KCNIP1: variants seen among roughly 807,000 people sequenced by gnomAD.
KCNIP1 encodes potassium voltage-gated channel interacting protein 1.
Under a neutral mutation model 33.0 loss-of-function variants are expected in KCNIP1, and 18 were observed. The observed-to-expected ratio is 0.55, with a 90% confidence interval of 0.38 to 0.81. The LOEUF is 0.81. Among genes scored for constraint, KCNIP1 ranks in the 30% least tolerant of loss-of-function variants. KCNIP1 has a pLI of 0.00. For synonymous variants in KCNIP1, 93 were observed against 98.3 expected (o/e 0.95, Z 0.32); for missense variants, 238 against 271.6 (o/e 0.88, Z 0.87).
At chr5:170,373,820 A>G (rs912538011) in intron 1 of KCNIP1, among the ~76,000 whole-genome samples, 3 of 152,230 alleles carry the variant, frequency 2.0e-5, no homozygotes, top group Non-Finnish European at 4.4e-5. Flanking sequence ...ATGTCTTAGT[A>G]TTATTATGAA....
At chr5:170,373,346 C>T (rs557848836) in intron 1 of KCNIP1, among the ~76,000 whole-genome samples, 5 of 152,154 alleles carry the variant, frequency 3.3e-5, no homozygotes, top group South Asian at 2.1e-4. Flanking sequence ...CTACAGGGCA[C>T]GGTGTGGGAG....
intron 1 of KCNIP1, among the ~76,000 whole-genome samples, chr5:170,691,527 C>A (rs1463606537): frequency 2.0e-5 from 3 of 152,154 alleles, no homozygotes; most frequent in Non-Finnish European, 4.4e-5. Flanking sequence ...ATATAACCCA[C>A]CTTGCAGGAT....
At chr5:170,402,641 C>T (rs139859185) in intron 1 of KCNIP1, among the ~76,000 whole-genome samples, 9 of 152,296 alleles carry the variant, frequency 5.9e-5, no homozygotes, top group East Asian at 1.9e-4. Flanking sequence ...AAGTGACATA[C>T]GTTACTGATC....
chr5:170,656,419 A>C (rs1761266401), intron 1 of KCNIP1, among the ~76,000 whole-genome samples: 1 of 152,252 alleles, frequency 6.6e-6, no homozygotes, highest in Non-Finnish European at 1.5e-5. Context: ...AACTAGTAGC[A>C]GGAAGCTACT....
intron 1 of KCNIP1, among the ~76,000 whole-genome samples, chr5:170,524,251 G>A (rs546374466): frequency 3.3e-5 from 5 of 152,194 alleles, no homozygotes; most frequent in South Asian, 2.1e-4. Flanking sequence ...AGCTGCCAAC[G>A]CTCCAGCACT....
At chr5:170,458,297 C>A (rs192407393) in intron 1 of KCNIP1, among the ~76,000 whole-genome samples, 1 of 152,152 alleles carries the variant, frequency 6.6e-6, no homozygotes, top group East Asian at 1.9e-4. Context: ...AAGGAAAACT[C>A]CCCCAGCCTT....
chr5:170,479,884 CAATT>C (rs1421519029), intron 1 of KCNIP1, among the ~76,000 whole-genome samples: 19 of 152,204 alleles, frequency 1.2e-4, no homozygotes, highest in African/African-American at 1.7e-4. Context: ...ACTATCTGCA[CAATT>C]AATAAATCAA....
chr5:170,390,892 G>T (rs1034090352), intron 1 of KCNIP1, among the ~76,000 whole-genome samples: 5 of 152,100 alleles, frequency 3.3e-5, no homozygotes, highest in Non-Finnish European at 7.4e-5. Flanking sequence ...TGCTGAGCGA[G>T]CTCACCACCT....
intron 1 of KCNIP1, among the ~76,000 whole-genome samples, chr5:170,516,802 A>G (rs1006015000): frequency 2.0e-5 from 3 of 152,246 alleles, no homozygotes; most frequent in Non-Finnish European, 4.4e-5. Flanking sequence ...CTGTTAAACA[A>G]TAACAATCAT....
chr5:170,615,933 T>A (rs533228874), intron 1 of KCNIP1, among the ~76,000 whole-genome samples: 16 of 152,230 alleles, frequency 1.1e-4, no homozygotes, highest in Non-Finnish European at 1.0e-4. Context: ...GTTTTACTAT[T>A]ATTTTTCCTC....
chr5:170,520,239 G>A (rs1755312214), intron 1 of KCNIP1, among the ~76,000 whole-genome samples: 1 of 152,154 alleles, frequency 6.6e-6, no homozygotes, highest in Admixed American at 6.5e-5. Context: ...CAGTTTTAGA[G>A]ACAAGAAAAC....
chr5:170,657,247 C>T (rs1170695749), intron 1 of KCNIP1, among the ~76,000 whole-genome samples: 4 of 152,110 alleles, frequency 2.6e-5, no homozygotes, highest in African/African-American at 7.2e-5. Context: ...CTGAGCACCT[C>T]GATCTCCCAA....
rs188866368 is a variant in KCNIP1, at chr5:170,518,221, T to C, written c.61+13588T>C. Among the ~76,000 whole-genome samples, 1,354 of 152,194 alleles carry C rather than the reference T, an allele frequency of 8.9e-3. 53 individuals carry two copies. Among genetic ancestry groups the C allele is most frequent in the Admixed American group, 0.074 (1,126 of 15,286 alleles). On this transcript the variant is annotated intron_variant, in intron 1 of 7. Transcript: ENST00000328939. Reference sequence around the variant, plus strand: ...GTTGGAAGGATGATAGTGGTAGTGGTGTCAACAGCACTGGTGAATTTAAGG... The same window carrying C: ...GTTGGAAGGATGATAGTGGTAGTGGCGTCAACAGCACTGGTGAATTTAAGG...
rs1754603408 is a variant in KCNIP1, at chr5:170,504,145, C to A, written c.-428C>A. On this transcript the variant is annotated 5_prime_UTR_variant, in exon 1 of 8. Coordinates refer to ENST00000328939, the MANE Select transcript of KCNIP1 (RefSeq NM_014592.4). This position sits in a 1 kb window ranked among gnomAD's most constrained non-coding sequence, Gnocchi z 6.0. ...TCGGCCCTCCGAGACCCAGCCCGAG[C>A]GCAGGGAGGGGAGCCGAGTGTGCGG... The A allele has an allele frequency of 3.0e-6, 3 of 997,272 alleles. No individual in the cohort carries two copies. The highest frequency in any genetic ancestry group is 5.1e-4 in the Middle Eastern group (1 of 1,958). The allele number at this position is 997,272 out of a possible 1,614,324, so 61.8% of individuals were successfully genotyped here. A position where few individuals can be genotyped will look rare whatever the true frequency, so the allele number is the denominator to read the frequency against.
chr5:170,573,151 C>T (rs1396090382), intron 1 of KCNIP1, among the ~76,000 whole-genome samples: 2 of 152,212 alleles, frequency 1.3e-5, no homozygotes, highest in African/African-American at 4.8e-5. Flanking sequence ...GCTGGCTGGG[C>T]AAGGAACAAT....
intron 1 of KCNIP1, among the ~76,000 whole-genome samples, chr5:170,524,790 C>A (rs1442941096): frequency 6.6e-6 from 1 of 152,122 alleles, no homozygotes; most frequent in Non-Finnish European, 1.5e-5. Context: ...CACCCCAGGA[C>A]CCAGCCCAGT....
intron 1 of KCNIP1, among the ~76,000 whole-genome samples, chr5:170,518,031 A>T (rs567630007): frequency 3.3e-5 from 5 of 151,378 alleles, no homozygotes; most frequent in Non-Finnish European, 7.4e-5. Context: ...GATGGTGGTG[A>T]TGATAATAGT....
intron 1 of KCNIP1, among the ~76,000 whole-genome samples, chr5:170,598,296 G>C (rs1259435077): frequency 6.6e-6 from 1 of 152,146 alleles, no homozygotes; most frequent in Admixed American, 6.5e-5. Flanking sequence ...CTCTCTGATA[G>C]ATCACCAGTG....
intron 1 of KCNIP1, among the ~76,000 whole-genome samples, chr5:170,662,776 C>T (rs770007666): frequency 2.6e-5 from 4 of 152,234 alleles, no homozygotes; most frequent in Non-Finnish European, 5.9e-5. Context: ...TGTCTATCCT[C>T]CTTTCCCTCT....
Sources: allele counts gnomAD v4.1 joint callset (sites outside exome capture counted in the v4.1 genomes callset), GRCh38; gene constraint gnomAD v4.1.1; non-coding constraint Gnocchi (gnomAD v3.1); transcripts MANE v1.5; gene names NCBI Gene and HGNC (gene_info 2026-07-23, HGNC 2026-07-21).